The following LRP10 variants were observed in gnomAD, a reference collection of about 807,000 sequenced individuals.
The protein encoded by LRP10 is low-density lipoprotein receptor-related protein 10.
LRP10 carries 42 observed loss-of-function variants against 58.5 expected under a neutral mutation model. The ratio of observed to expected loss-of-function variants is 0.72; its 90% confidence interval spans 0.56 to 0.93. The LOEUF is 0.93. Among genes scored for constraint, LRP10 ranks in the 40% least tolerant of loss-of-function variants. LRP10 has a pLI of 0.00. For synonymous variants in LRP10, 377 were observed against 388.5 expected (o/e 0.97, Z 0.35); for missense variants, 872 against 940.1 (o/e 0.93, Z 0.95).
At position 22,875,893 on chromosome 14, in the gene LRP10, T is replaced by C. The variant is rs1566493284; in HGVS notation, c.945T>C (p.Cys315=). 2 of 1,613,410 alleles carry C rather than the reference T, an allele frequency of 1.2e-6. No individual in the cohort carries two copies. The highest frequency in any genetic ancestry group is 1.1e-5 in the South Asian group (1 of 91,086). ...RGYCLPWDRP[C]GLGSGLGAGE... is the part of the protein sequence containing the mutation. ...ATTGCTTGCCTTGGGACAGACCCTG[T>C]GGCTTAGGCTCTGGCCTGGGAGCTG... The change falls in exon 5 of 7, where the codon TGT becomes TGC. Residue 315 remains cysteine (C), a synonymous_variant. Transcript: ENST00000359591.
chr14:22,873,878 A>C (rs758840535), intron 3 of LRP10, among the ~76,000 whole-genome samples: 1 of 152,150 alleles, frequency 6.6e-6, no homozygotes, highest in African/African-American at 2.4e-5. Context: ...ACAGGTAAAG[A>C]GTAGAATTTG....
In LRP10 at chr14:22,875,100, A is replaced by C. The variant is rs749293367; in HGVS notation, c.261A>C (p.Leu87=). The C allele has an allele frequency of 6.2e-7, 1 of 1,610,662 alleles. No individual in the cohort carries two copies. The highest frequency in any genetic ancestry group is 1.3e-5 in the African/African-American group (1 of 74,812). Residue 87 remains leucine (L), a synonymous_variant, in exon 4 of 7, where the codon CTA becomes CTC. Coordinates refer to ENST00000359591, the MANE Select transcript of LRP10 (RefSeq NM_014045.5). ...HLACGSERLT[L]RSPLQPLISL... ...CCTGTGGCTCAGAGCGCTTAACCCT[A>C]CGCTCCCCTCTCCAGCCACTGATCT...
Position 22,875,766 on chromosome 14 carries a change from C to A in LRP10, c.818C>A (p.Ala273Asp). ...CTCACCCACTTCAGCAATGGCAAGGCTGTCACTGTGGAGACACTGTCTGGC... is the reference window on the plus strand; with the variant it reads ...CTCACCCACTTCAGCAATGGCAAGGATGTCACTGTGGAGACACTGTCTGGC... ...RSLTHFSNGKAVTVETLSGQA... is the reference protein window; with the variant it reads ...RSLTHFSNGKDVTVETLSGQA... Residue 273 changes from alanine to aspartate, a missense_variant, in exon 5 of 7, where the codon GCT (alanine) becomes GAT (aspartate). By Grantham distance (126) the Ala-to-Asp change is moderately radical. Coordinates refer to ENST00000359591, the MANE Select transcript of LRP10 (RefSeq NM_014045.5). 6.2e-7 allele frequency: 1 copy of A among 1,614,172 alleles called. No individual in the cohort carries two copies. Among genetic ancestry groups the A allele is most frequent in the East Asian group, 2.2e-5 (1 of 44,884 alleles).
chr14:22,878,998 C>A lies in LRP10; in HGVS notation c.*1471C>A, dbSNP rs563250582. 3.8e-5 allele frequency: 12 copies of A among 317,110 alleles called. No homozygotes were observed. Among genetic ancestry groups the A allele is most frequent in the South Asian group, 1.9e-4 (8 of 42,872 alleles). The allele number at this position is 317,110 out of a possible 1,614,324, so 19.6% of individuals were successfully genotyped here. ...AAAACTGAGGAATTCCCTAACGGACCCAGTCCCTGGGGAAAGAGGCTCCCC... is the reference window on the plus strand; with the variant it reads ...AAAACTGAGGAATTCCCTAACGGACACAGTCCCTGGGGAAAGAGGCTCCCC... On this transcript the variant is annotated 3_prime_UTR_variant, in exon 7 of 7. Coordinates refer to ENST00000359591, the MANE Select transcript of LRP10 (RefSeq NM_014045.5).
chr14:22,877,663 C>T lies in LRP10; in HGVS notation c.*136C>T, dbSNP rs1028316551. ...GATTTCAGGGACTTGGTGGGCCTCC[C>T]GTTGACCCTATGTAGCTGCTATAAA... On this transcript the variant is annotated 3_prime_UTR_variant, in exon 7 of 7. Coordinates refer to ENST00000359591, the MANE Select transcript of LRP10 (RefSeq NM_014045.5). The surrounding 1 kb of genome is among the most constrained non-coding windows in gnomAD (Gnocchi z 5.1). The T allele has an allele frequency of 1.2e-5, 8 of 643,282 alleles. No homozygotes were observed. In the East Asian group the frequency reaches 1.4e-4, roughly 11 times the overall value. 39.8% of individuals were successfully genotyped at this position (643,282 alleles called of 1,614,324 possible). A position where few individuals can be genotyped will look rare whatever the true frequency, so the allele number is the denominator to read the frequency against.
chr14:22,876,262 C>G lies in LRP10; in HGVS notation c.1314C>G (p.Pro438=). The G allele has an allele frequency of 6.2e-7, 1 of 1,614,184 alleles. No homozygotes were observed. Among genetic ancestry groups the G allele is most frequent in the South Asian group, 1.1e-5 (1 of 91,088 alleles). The change falls in exon 5 of 7, where the codon CCC becomes CCG. Residue 438 remains proline, a synonymous_variant. Coordinates refer to ENST00000359591, the MANE Select transcript of LRP10 (RefSeq NM_014045.5). ...SDEWDCSYVL[P]RKVITAAVIG... is the part of the protein sequence containing the mutation. ...AGTGGGACTGCTCCTATGTTCTGCC[C>G]CGCAAGGTCATTACAGCTGCAGTCA... is the stretch of plus-strand genomic sequence containing the variant.
chr14:22,872,108 G>C lies in LRP10; in HGVS notation c.-196G>C, dbSNP rs920853038. 1.6e-6 allele frequency: 1 copy of C among 613,674 alleles called. No homozygotes were observed. The highest frequency in any genetic ancestry group is 1.9e-5 in the African/African-American group (1 of 53,466). 38.0% of individuals were successfully genotyped at this position (613,674 alleles called of 1,614,324 possible). ...AAAACAACTCCAAAGTTGGCGAAAG[G>C]CACCGCCCCTACTCCCGGGCTGCCG... On this transcript the variant is annotated 5_prime_UTR_variant, in exon 1 of 7. Coordinates refer to ENST00000359591, the MANE Select transcript of LRP10 (RefSeq NM_014045.5).
chr14:22,877,207 C>A lies in LRP10; in HGVS notation c.1822C>A (p.Gln608Lys). The change falls in exon 7 of 7, where the codon CAA (glutamine) becomes AAA (lysine). Residue 608 changes from glutamine (Q) to lysine (K), a missense_variant. Coordinates refer to ENST00000359591, the MANE Select transcript of LRP10 (RefSeq NM_014045.5). This position sits in a 1 kb window ranked among gnomAD's most constrained non-coding sequence, Gnocchi z 5.1. The stretch of plus-strand genomic sequence containing the variant: ...CCGTGAGGGCGGGGCAGTGGGTGGG[C>A]AAGATGGGGAGCAGGCACCCCCACT... Reference protein sequence around the residue: ...PAREGGAVGGQDGEQAPPLPI... With the variant: ...PAREGGAVGGKDGEQAPPLPI... The A allele has an allele frequency of 6.3e-7, 1 of 1,599,880 alleles. No individual in the cohort carries two copies. Among genetic ancestry groups the A allele is most frequent in the Admixed American group, 1.7e-5 (1 of 57,882 alleles).
In LRP10 at chr14:22,876,013, C is replaced by A. The variant is rs2040001187; in HGVS notation, c.1065C>A (p.Gly355=). 1 of 1,613,270 alleles carries A rather than the reference C, an allele frequency of 6.2e-7. No homozygotes were observed. Among genetic ancestry groups the A allele is most frequent in the East Asian group, 2.2e-5 (1 of 44,882 alleles). ...GCACAGATGAGGAGGACTGCCCAGG[C>A]TGCCCACCTGGACACTTCCCCTGTG... is the stretch of plus-strand genomic sequence containing the variant. ...ADGTDEEDCP[G]CPPGHFPCGA... is the part of the protein sequence containing the mutation. Residue 355 remains glycine (G), a synonymous_variant, in exon 5 of 7, where the codon GGC becomes GGA. Coordinates refer to ENST00000359591, the MANE Select transcript of LRP10 (RefSeq NM_014045.5).
intron 5 of LRP10, 44 bp downstream of exon 5, chr14:22,876,416 G>T (rs1439658830): frequency 1.3e-6 from 2 of 1,599,682 alleles, no homozygotes; most frequent in African/African-American, 2.7e-5. Context: ...GACCCTGAGG[G>T]TGAGGCTGGG....
chr14:22,877,847 G>A lies in LRP10; in HGVS notation c.*320G>A. On this transcript the variant is annotated 3_prime_UTR_variant, in exon 7 of 7. Coordinates refer to ENST00000359591, the MANE Select transcript of LRP10 (RefSeq NM_014045.5). This position sits in a 1 kb window ranked among gnomAD's most constrained non-coding sequence, Gnocchi z 5.1. ...AAGTTCTTAGAGGATCATAGGTCTG[G>A]ACACTCCATCCTTGCCAAACCTCTA... is the stretch of plus-strand genomic sequence containing the variant. 4.4e-6 allele frequency: 1 copy of A among 228,948 alleles called. No individual in the cohort carries two copies. Among genetic ancestry groups the A allele is most frequent in the Non-Finnish European group, 8.4e-6 (1 of 118,476 alleles). The allele number at this position is 228,948 out of a possible 1,614,324, so 14.2% of individuals were successfully genotyped here. A position where few individuals can be genotyped will look rare whatever the true frequency, so the allele number is the denominator to read the frequency against.
intron 4 of LRP10, 48 bp downstream of exon 4, chr14:22,875,293 C>T (rs1595029348): frequency 6.3e-7 from 1 of 1,581,244 alleles, no homozygotes; most frequent in South Asian, 1.2e-5. Context: ...AAGCCCCAGG[C>T]AGAAGGGGAG....
In LRP10 at chr14:22,873,338, T is replaced by C; in HGVS notation, c.107T>C (p.Leu36Ser). 6.2e-7 allele frequency: 1 copy of C among 1,614,030 alleles called. No homozygotes were observed. The highest frequency in any genetic ancestry group is 1.7e-5 in the Admixed American group (1 of 60,014). The change falls in exon 3 of 7, where the codon TTA becomes TCA. Residue 36 changes from leucine to serine, a missense_variant. Leu to Ser is a moderately radical substitution (Grantham distance 145). Transcript: ENST00000359591. The part of the protein sequence containing the change: ...HACEDPPAVL[L>S]EVQGTLQRPL... ...TGTGAGGACCCCCCAGCAGTGCTCT[T>C]AGAAGTGCAGGGCACCTTACAGAGG... is the stretch of plus-strand genomic sequence containing the variant.
intron 3 of LRP10, 83 bp from the exon 4 acceptor site, chr14:22,874,972 C>T: frequency 9.8e-7 from 1 of 1,018,706 alleles, no homozygotes; most frequent in East Asian, 2.7e-5. Context: ...TCCTGGGACA[C>T]AAGGGGCCTG....
In LRP10 at chr14:22,871,910, G is replaced by A. The variant is rs1485575652; in HGVS notation, c.-394G>A. On this transcript the variant is annotated 5_prime_UTR_variant, in exon 1 of 7. Coordinates refer to ENST00000359591, the MANE Select transcript of LRP10 (RefSeq NM_014045.5). ...CGGCCGGCCCTGGGGGCTGACAGTC[G>A]GCAAAGTTTGGCCCGAAGAGGAAGT... is the stretch of plus-strand genomic sequence containing the variant. 1.0e-5 allele frequency: 3 copies of A among 288,820 alleles called. No homozygotes were observed. Among genetic ancestry groups the A allele is most frequent in the Non-Finnish European group, 2.0e-5 (3 of 152,048 alleles). The allele number at this position is 288,820 out of a possible 1,614,324, so 17.9% of individuals were successfully genotyped here.
In LRP10 at chr14:22,878,985, T is replaced by C. The variant is rs11623552; in HGVS notation, c.*1458T>C. Reference sequence around the variant, plus strand: ...ATGCCTCAGGAACAAAACTGAGGAATTCCCTAACGGACCCAGTCCCTGGGG... The same window carrying C: ...ATGCCTCAGGAACAAAACTGAGGAACTCCCTAACGGACCCAGTCCCTGGGG... On this transcript the variant is annotated 3_prime_UTR_variant, in exon 7 of 7. Coordinates refer to ENST00000359591, the MANE Select transcript of LRP10 (RefSeq NM_014045.5). 58,129 of 311,314 alleles carry C rather than the reference T, an allele frequency of 0.19. 5,835 individuals carry two copies. Among genetic ancestry groups the C allele is most frequent in the Non-Finnish European group, 0.21 (31,955 of 149,268 alleles). The allele number at this position is 311,314 out of a possible 1,614,324, so 19.3% of individuals were successfully genotyped here. A position where few individuals can be genotyped will look rare whatever the true frequency, so the allele number is the denominator to read the frequency against.
At chr14:22,873,738 G>A (rs2039978317) in intron 3 of LRP10, among the ~76,000 whole-genome samples, 1 of 152,162 alleles carries the variant, frequency 6.6e-6, no homozygotes, top group Non-Finnish European at 1.5e-5. Flanking sequence ...CGTTGGCCAG[G>A]CTGGTCTTGA....
chr14:22,873,137 G>A, intron 2 of LRP10, 174 bp from the exon 3 acceptor site: 1 of 721,184 alleles, frequency 1.4e-6, no homozygotes, highest in East Asian at 2.6e-5. Context: ...AGAATGTGGA[G>A]AGAAAGAGCG....
At chr14:22,874,659 G>A (rs1481379685) in intron 3 of LRP10, among the ~76,000 whole-genome samples, 7 of 152,200 alleles carry the variant, frequency 4.6e-5, no homozygotes, top group African/African-American at 1.2e-4. Context: ...AGACCAAGGC[G>A]GGTGGATCAC....
Sources: gnomAD v4.1 joint callset for allele counts (sites outside exome capture counted in the v4.1 genomes callset) on GRCh38, gnomAD v4.1.1 for gene constraint, Gnocchi (gnomAD v3.1) non-coding constraint, MANE v1.5 for transcripts, NCBI Gene and HGNC (gene_info 2026-07-23, HGNC 2026-07-21) for gene names.